DOCK3: variants seen among roughly 807,000 people sequenced by gnomAD.
DOCK3 encodes the protein dedicator of cytokinesis 3.
A neutral mutation model predicts 265.6 loss-of-function variants in DOCK3; 60 were observed. The ratio of observed to expected loss-of-function variants is 0.23; its 90% CI spans 0.18 to 0.28. The LOEUF is 0.28. Ranked by LOEUF, DOCK3 falls within the 10% of genes least tolerant of loss-of-function variation. DOCK3 has a pLI of 1.00. For missense variants in DOCK3, 1,981 were observed against 2,594.3 expected (o/e 0.76, Z 5.14); for synonymous variants, 881 against 938.0 (o/e 0.94, Z 1.11).
At chr3:50,973,104 A>T (rs1575647747) in intron 5 of DOCK3, among the ~76,000 whole-genome samples, 1 of 71,398 alleles carries the variant, frequency 1.4e-5, no homozygotes, top group Non-Finnish European at 2.8e-5. Context: ...TTGCAGACTT[A>T]AATTTCTTTT....
intron 1 of DOCK3, chr3:50,719,645 CTG>C: frequency 6.4e-7 from 1 of 1,570,134 alleles, no homozygotes; most frequent in Non-Finnish European, 8.7e-7. Flanking sequence ...AGATGAAAAA[CTG>C]GGAACCATTT....
At chr3:51,219,868 CAAA>C (rs1221962332) in intron 14 of DOCK3, among the ~76,000 whole-genome samples, 2 of 152,128 alleles carry the variant, frequency 1.3e-5, no homozygotes, top group Admixed American at 6.5e-5. Flanking sequence ...CATCTAGTCT[CAAA>C]AGAGGTTGGA....
At chr3:51,351,845 C>T (rs892838619) in intron 40 of DOCK3, among the ~76,000 whole-genome samples, 4 of 151,990 alleles carry the variant, frequency 2.6e-5, no homozygotes, top group African/African-American at 7.2e-5. Flanking sequence ...TTAGTTGAGA[C>T]GAGGTTTCTC....
At chr3:51,105,050 G>T (rs1239008269) in intron 9 of DOCK3, among the ~76,000 whole-genome samples, 44 of 152,168 alleles carry the variant, frequency 2.9e-4, no homozygotes, top group Non-Finnish European at 1.5e-5. Context: ...GCAGTGAGGG[G>T]CAGAAGGTAT....
At chr3:50,804,605 G>A (rs1018727717) in intron 2 of DOCK3, among the ~76,000 whole-genome samples, 14 of 152,178 alleles carry the variant, frequency 9.2e-5, no homozygotes, top group Admixed American at 6.5e-4. Context: ...CAGGCGTGGC[G>A]GCTGGCGCCT....
chr3:51,053,415 G>C (rs1235419857), intron 5 of DOCK3, among the ~76,000 whole-genome samples: 5 of 149,122 alleles, frequency 3.4e-5, no homozygotes. Context: ...TTCCAAACTA[G>C]TTGTATCACT....
At chr3:50,802,934 G>A (rs2043146676) in intron 2 of DOCK3, among the ~76,000 whole-genome samples, 1 of 151,068 alleles carries the variant, frequency 6.6e-6, no homozygotes, top group South Asian at 2.1e-4. Flanking sequence ...ACATGATGGT[G>A]TTTCATAAAT....
chr3:50,964,819 T>C (rs1194142299), intron 5 of DOCK3, among the ~76,000 whole-genome samples: 4 of 151,916 alleles, frequency 2.6e-5, no homozygotes, highest in Non-Finnish European at 5.9e-5. Context: ...TAATAAAAAA[T>C]GAACACACTA....
At chr3:50,816,699 T>C (rs1461797754) in intron 2 of DOCK3, among the ~76,000 whole-genome samples, 3 of 152,160 alleles carry the variant, frequency 2.0e-5, no homozygotes, top group Admixed American at 1.3e-4. Flanking sequence ...TCTAATCTTT[T>C]CTATGTCTTT....
At chr3:50,935,762 C>T (rs1177341812) in intron 5 of DOCK3, among the ~76,000 whole-genome samples, 2 of 152,138 alleles carry the variant, frequency 1.3e-5, no homozygotes, top group Non-Finnish European at 2.9e-5. Flanking sequence ...TGAGGGAAAT[C>T]AGAAAAGCAC....
At chr3:50,959,246 G>A (rs1411695373) in intron 5 of DOCK3, among the ~76,000 whole-genome samples, 6 of 152,064 alleles carry the variant, frequency 3.9e-5, no homozygotes, top group Non-Finnish European at 5.9e-5. Context: ...AAAGTGTCCA[G>A]CATGATGTTT....
At chr3:51,006,957 C>G (rs948237529) in intron 5 of DOCK3, among the ~76,000 whole-genome samples, 1 of 152,184 alleles carries the variant, frequency 6.6e-6, no homozygotes, top group Non-Finnish European at 1.5e-5. Flanking sequence ...ATGAACTCAT[C>G]CTTTTTTATG....
chr3:51,005,190 C>T (rs1051797002), intron 5 of DOCK3, among the ~76,000 whole-genome samples: 11 of 152,084 alleles, frequency 7.2e-5, no homozygotes, highest in Admixed American at 5.9e-4. Context: ...GAGATGATTA[C>T]TGCCTTCACT....
intron 1 of DOCK3, among the ~76,000 whole-genome samples, chr3:50,774,139 A>AT (rs889497867): frequency 1.3e-5 from 2 of 151,924 alleles, no homozygotes; most frequent in African/African-American, 4.8e-5. Context: ...TGGTATATAC[A>AT]TTTTTTCACA....
chr3:50,752,529 ACAAC>A (rs2039896886), intron 1 of DOCK3, among the ~76,000 whole-genome samples: 1 of 4,738 alleles, frequency 2.1e-4, no homozygotes, highest in African/African-American at 3.5e-4. Flanking sequence ...AAAAACAAAA[ACAAC>A]TGGGAGGCCA....
At chr3:50,761,002 C>T (rs181959916) in intron 1 of DOCK3, among the ~76,000 whole-genome samples, 6 of 152,028 alleles carry the variant, frequency 3.9e-5, no homozygotes, top group East Asian at 3.9e-4. Context: ...AGGATGGTCT[C>T]GATTCCTGAC....
intron 12 of DOCK3, among the ~76,000 whole-genome samples, chr3:51,191,031 T>C (rs1416078791): frequency 2.0e-5 from 3 of 152,136 alleles, no homozygotes; most frequent in Non-Finnish European, 4.4e-5. Context: ...AGCTCTTACA[T>C]AGTTGGCAAG....
intron 3 of DOCK3, among the ~76,000 whole-genome samples, chr3:50,884,362 A>G (rs1281239134): frequency 6.6e-6 from 1 of 152,220 alleles, no homozygotes; most frequent in East Asian, 1.9e-4. Flanking sequence ...AAGTGCTGAG[A>G]TTACAGGCAT....
chr3:50,914,653 A>G (rs1290093712), intron 4 of DOCK3, among the ~76,000 whole-genome samples: 1 of 152,120 alleles, frequency 6.6e-6, no homozygotes, highest in African/African-American at 2.4e-5. Flanking sequence ...GATGATATGA[A>G]TGTTTATTCT....
Sources: allele counts gnomAD v4.1 joint callset (sites outside exome capture counted in the v4.1 genomes callset), GRCh38; gene constraint gnomAD v4.1.1; transcripts MANE v1.5; gene names NCBI Gene and HGNC (gene_info 2026-07-23, HGNC 2026-07-21).